Variants in ARL6IP5 observed in about 807,000 individuals in gnomAD.
The protein encoded by ARL6IP5 is PRA1 family protein 3.
ARL6IP5 carries 6 observed loss-of-function variants against 13.0 expected under a neutral mutation model. The ratio of observed to expected loss-of-function variants is 0.46; its 90% CI spans 0.25 to 0.91. ARL6IP5 has a LOEUF of 0.91. ARL6IP5 is among the 40% of genes least tolerant of loss of function. The probability of loss-of-function intolerance (pLI) is 0.17; values close to 1 mark genes in which losing one functional copy is unlikely to be tolerated. For synonymous variants in ARL6IP5, 91 were observed against 91.9 expected (o/e 0.99, Z 0.06); for missense variants, 208 against 248.8 (o/e 0.84, Z 1.10).
chr3:69,101,205 G>T (rs1308220549), intron 1 of ARL6IP5, among the ~76,000 whole-genome samples: 1 of 151,818 alleles, frequency 6.6e-6, no homozygotes. Flanking sequence ...TAGAGCCCAG[G>T]ATGTAAGGAA....
chr3:69,103,044 C>T (rs2092311194), intron 2 of ARL6IP5, among the ~76,000 whole-genome samples: 1 of 152,146 alleles, frequency 6.6e-6, no homozygotes, highest in Admixed American at 6.6e-5. Context: ...GCACTTATTC[C>T]ACTAAATGAA....
At chr3:69,091,123 G>A (rs751657651) in intron 1 of ARL6IP5, among the ~76,000 whole-genome samples, 1 of 152,118 alleles carries the variant, frequency 6.6e-6, no homozygotes, top group Non-Finnish European at 1.5e-5. Flanking sequence ...TTTTGAGCGT[G>A]GGAGGCGGAG....
chr3:69,103,920 G>C (rs1176696064), intron 2 of ARL6IP5, among the ~76,000 whole-genome samples: 1 of 152,136 alleles, frequency 6.6e-6, no homozygotes, highest in Non-Finnish European at 1.5e-5. Context: ...CAAGTTTGGG[G>C]AACGGTAGGC....
intron 1 of ARL6IP5, 110 bp downstream of exon 1, chr3:69,085,333 C>A: frequency 7.3e-7 from 1 of 1,363,678 alleles, no homozygotes; most frequent in Non-Finnish European, 9.9e-7. Context: ...TCAGCGCCTG[C>A]CCTGGCAATT....
At position 69,089,048 on chromosome 3, in the gene ARL6IP5, T is replaced by C. The variant is rs114282467; in HGVS notation, c.176+3825T>C. 3.2e-3 allele frequency among the ~76,000 whole-genome samples: 483 copies of C among 152,314 alleles called. 2 individuals are homozygous for C. Among genetic ancestry groups the C allele is most frequent in the African/African-American group, 0.011 (464 of 41,562 alleles). On this transcript the variant is annotated intron_variant, in intron 1 of 2. Transcript: ENST00000273258. ...CTGAGAGCTTGTCAGAAGTGAAGCA[T>C]CTCAGGCCCCATTTCAGACCTACTG...
chr3:69,101,681 T>C (rs1039771328), intron 1 of ARL6IP5, among the ~76,000 whole-genome samples, 158 bp from the exon 2 acceptor site: 4 of 152,146 alleles, frequency 2.6e-5, no homozygotes, highest in Admixed American at 2.6e-4. Flanking sequence ...GAACTAATAG[T>C]ATCTCCTTTA....
At position 69,084,959 on chromosome 3, in the gene ARL6IP5, C is replaced by A. The variant is rs954891572; in HGVS notation, c.-89C>A. 31 of 1,505,480 alleles carry A rather than the reference C, an allele frequency of 2.1e-5. No homozygotes were observed. The highest frequency in any genetic ancestry group is 2.7e-5 in the Non-Finnish European group (30 of 1,118,102). 93.3% of individuals were successfully genotyped at this position (1,505,480 alleles called of 1,614,324 possible). On this transcript the variant is annotated 5_prime_UTR_variant, in exon 1 of 3. Coordinates refer to ENST00000273258, the MANE Select transcript of ARL6IP5 (RefSeq NM_006407.4). ...ACCGCAAAGCCGACCGAGACGGAGC[C>A]GCTGTCAACTCTCCAACTCAGCTCA...
At chr3:69,095,823 G>A (rs1026095542) in intron 1 of ARL6IP5, among the ~76,000 whole-genome samples, 10 of 152,158 alleles carry the variant, frequency 6.6e-5, no homozygotes, top group African/African-American at 2.4e-4. Flanking sequence ...CTATCAGTAA[G>A]TGAAACTCCA....
chr3:69,094,110 G>A (rs903839138), intron 1 of ARL6IP5, among the ~76,000 whole-genome samples: 11 of 152,224 alleles, frequency 7.2e-5, no homozygotes, highest in Non-Finnish European at 1.2e-4. Flanking sequence ...AAAAGGCAAG[G>A]TGAGTTCTGG....
rs2092318663 is a variant in ARL6IP5, at chr3:69,105,128, C to G, written c.*492C>G. On this transcript the variant is annotated 3_prime_UTR_variant, in exon 3 of 3. Coordinates refer to ENST00000273258, the MANE Select transcript of ARL6IP5 (RefSeq NM_006407.4). ...TATTCTCTTAAAAATCAAAGATGAT[C>G]TCTATCACTTTGCCACCTGTTTGAT... is the stretch of plus-strand genomic sequence containing the variant. 2.3e-6 allele frequency: 1 copy of G among 443,652 alleles called. No homozygotes were observed. 27.5% of individuals were successfully genotyped at this position (443,652 alleles called of 1,614,324 possible).
At chr3:69,090,906 CT>C (rs1379962037) in intron 1 of ARL6IP5, among the ~76,000 whole-genome samples, 1 of 152,190 alleles carries the variant, frequency 6.6e-6, no homozygotes, top group East Asian at 1.9e-4. Context: ...ATCTCAAAAT[CT>C]TTATCTAGGC....
chr3:69,101,790 T>C (rs765625337), intron 1 of ARL6IP5, 49 bp from the exon 2 acceptor site: 93 of 1,487,676 alleles, frequency 6.3e-5, no homozygotes, highest in Non-Finnish European at 8.3e-5. Context: ...CTTTTGCTAC[T>C]TCTATTGCTG....
chr3:69,089,352 G>A (rs373621000), intron 1 of ARL6IP5, among the ~76,000 whole-genome samples: 34 of 152,142 alleles, frequency 2.2e-4, no homozygotes, highest in African/African-American at 8.2e-4. Context: ...AAAAGCTCGA[G>A]GTCACAGGCT....
intron 1 of ARL6IP5, among the ~76,000 whole-genome samples, chr3:69,086,709 C>T (rs2107509615): frequency 6.6e-6 from 1 of 150,788 alleles, no homozygotes; most frequent in South Asian, 2.1e-4. Flanking sequence ...TTTCCTGGAA[C>T]ACTAAAAAAT....
At chr3:69,092,653 T>G (rs1367570875) in intron 1 of ARL6IP5, among the ~76,000 whole-genome samples, 1 of 151,898 alleles carries the variant, frequency 6.6e-6, no homozygotes, top group Admixed American at 6.6e-5. Flanking sequence ...TATTTTTAAG[T>G]GATTACAGGC....
chr3:69,086,418 A>C (rs772509936), intron 1 of ARL6IP5, among the ~76,000 whole-genome samples: 2 of 152,218 alleles, frequency 1.3e-5, no homozygotes, highest in Non-Finnish European at 2.9e-5. Flanking sequence ...GAGACTTCAC[A>C]GTTTCCGAGT....
At chr3:69,087,444 T>C (rs1364199517) in intron 1 of ARL6IP5, among the ~76,000 whole-genome samples, 2 of 152,006 alleles carry the variant, frequency 1.3e-5, no homozygotes, top group Non-Finnish European at 2.9e-5. Context: ...TGAGGTAACT[T>C]AGATGTGGGG....
intron 1 of ARL6IP5, among the ~76,000 whole-genome samples, chr3:69,088,784 G>A (rs926935932): frequency 1.3e-5 from 2 of 152,222 alleles, no homozygotes; most frequent in Admixed American, 1.3e-4. Context: ...CATCCTTGAT[G>A]TGAGACGTTT....
At chr3:69,099,053 G>C (rs79826415) in intron 1 of ARL6IP5, among the ~76,000 whole-genome samples, 5,432 of 146,670 alleles carry the variant, frequency 0.037, 306 homozygotes, top group East Asian at 0.27. Flanking sequence ...TTATTGTAGA[G>C]TTTAGTTTTA....
Sources: allele counts gnomAD v4.1 joint callset (sites outside exome capture counted in the v4.1 genomes callset), GRCh38; gene constraint gnomAD v4.1.1; transcripts MANE v1.5; gene names NCBI Gene and HGNC (gene_info 2026-07-23, HGNC 2026-07-21).